Variants in CDKL5 observed in about 807,000 individuals in gnomAD.
CDKL5 encodes the protein cyclin dependent kinase like 5.
A neutral mutation model predicts 61.7 loss-of-function variants in CDKL5; 8 were observed. The ratio of observed to expected loss-of-function variants is 0.13; its 90% CI spans 0.08 to 0.23. CDKL5 has a LOEUF of 0.23. CDKL5 is among the 10% of genes least tolerant of loss of function. The probability of loss-of-function intolerance (pLI) is 1.00; values close to 1 mark genes in which losing one functional copy is unlikely to be tolerated. For synonymous variants in CDKL5, 275 were observed against 272.3 expected (o/e 1.01, Z -0.10); for missense variants, 440 against 734.5 (o/e 0.60, Z 4.63).
intron 1 of CDKL5, among the ~76,000 whole-genome samples, chrX:18,438,810 GAC>G (rs1284091233): frequency 1.0e-5 from 1 of 99,781 alleles, no homozygotes; most frequent in Non-Finnish European, 2.0e-5. Context: ...AAAAAAAAAA[GAC>G]AAGGATCTAA....
chrX:18,500,680 G>A (rs922970093), intron 1 of CDKL5, among the ~76,000 whole-genome samples: 15 of 110,570 alleles, frequency 1.4e-4, no homozygotes, highest in Admixed American at 3.9e-4. Context: ...GAACTAAAAC[G>A]TTTTAGTTTT....
chrX:18,434,864 G>A (rs1046411707), intron 1 of CDKL5, among the ~76,000 whole-genome samples: 4 of 111,984 alleles, frequency 3.6e-5, no homozygotes, highest in African/African-American at 1.3e-4. Context: ...GGAGGCAGGG[G>A]TTGCAGTGAG....
chrX:18,484,404 G>A (rs1162866152), intron 1 of CDKL5, among the ~76,000 whole-genome samples: 2 of 109,962 alleles, frequency 1.8e-5, no homozygotes, highest in East Asian at 2.9e-4. Context: ...TGTAACCTCT[G>A]CCTCCTGGGT....
downstream of CDKL5, chrX:18,642,170 G>C: frequency 8.3e-7 from 1 of 1,208,934 alleles, no homozygotes; most frequent in African/African-American, 1.7e-5. Context: ...GAGAGATAGA[G>C]GAAATCCTGT....
At chrX:18,573,229 T>TAA (rs1427317364) in intron 4 of CDKL5, among the ~76,000 whole-genome samples, 4 of 111,836 alleles carry the variant, frequency 3.6e-5, no homozygotes, top group African/African-American at 1.3e-4. Flanking sequence ...ATCAGTAGAC[T>TAA]TGTCTCTTGT....
chrX:18,628,936 G>A lies in CDKL5; in HGVS notation c.*179G>A, dbSNP rs1248539323. The A allele has an allele frequency of 1.9e-6, 2 of 1,049,939 alleles. No individual in the cohort carries two copies. Among genetic ancestry groups the A allele is most frequent in the African/African-American group, 3.8e-5 (2 of 52,485 alleles). The allele number at this position is 1,049,939 out of a possible 1,213,427, so 86.5% of individuals were successfully genotyped here. ...GAGCTCCTCGCGGCCACAAATGCTA[G>A]TCAGGGATCTTAGAGCCACAGGAGT... is the stretch of plus-strand genomic sequence containing the variant. On this transcript the variant is annotated 3_prime_UTR_variant, in exon 18 of 18. Coordinates refer to ENST00000623535, the MANE Select transcript of CDKL5 (RefSeq NM_001323289.2).
chrX:18,564,357 T>C, intron 3 of CDKL5, 120 bp from the exon 4 acceptor site: 1 of 384,114 alleles, frequency 2.6e-6, no homozygotes. Context: ...AGGAAGATGA[T>C]ATATTTTTAA....
downstream of CDKL5, chrX:18,644,394 G>A: frequency 8.5e-7 from 1 of 1,181,599 alleles, no homozygotes; most frequent in Non-Finnish European, 1.2e-6. Context: ...CCCAGAGGGT[G>A]CGAGCTGAAG....
intron 1 of CDKL5, among the ~76,000 whole-genome samples, chrX:18,503,722 A>G (rs949140517): frequency 8.9e-6 from 1 of 112,034 alleles, no homozygotes; most frequent in Non-Finnish European, 1.9e-5. Context: ...TAAGCCAGCT[A>G]TAACCCACAA....
At position 18,452,319 on chromosome X, in the gene CDKL5, T is replaced by C. The variant is rs1236085390; in HGVS notation, c.-163+26624T>C. Among the ~76,000 whole-genome samples the C allele has an allele frequency of 8.0e-5, 9 of 112,272 alleles. No homozygotes were observed. In the East Asian group the frequency reaches 2.5e-3, roughly 31 times the overall value. On this transcript the variant is annotated intron_variant, in intron 1 of 17. Transcript: ENST00000623535. ...GTGAAATATGGTCTTTTAGTAAAAA[T>C]GGTAAGACCCCTGTATAGGATTTGA...
intron 2 of CDKL5, among the ~76,000 whole-genome samples, chrX:18,509,197 GCACACACACACACACACACACACACA>G (rs60516677): frequency 1.6e-5 from 1 of 64,314 alleles, no homozygotes; most frequent in African/African-American, 5.9e-5. Flanking sequence ...CTCAAAACAC[GCACACACACACACACACACACACACA>G]CACACACACA....
intron 17 of CDKL5, chrX:18,627,783 CA>C (rs764474838): frequency 1.7e-4 from 6 of 34,709 alleles, no homozygotes; most frequent in South Asian, 1.2e-3. Context: ...CTCCCCCTTT[CA>C]AAAAAAAAGC....
chrX:18,508,715 T>G (rs934852817), intron 2 of CDKL5, among the ~76,000 whole-genome samples: 1 of 110,078 alleles, frequency 9.1e-6, no homozygotes, highest in Non-Finnish European at 1.9e-5. Context: ...ATATGTTACT[T>G]TGTTATCAGA....
intron 4 of CDKL5, among the ~76,000 whole-genome samples, 161 bp downstream of exon 4, chrX:18,564,683 T>C (rs1703049924): frequency 9.0e-6 from 1 of 110,752 alleles, no homozygotes. Context: ...ATATAGCTTA[T>C]TTCTTATGCT....
intron 1 of CDKL5, among the ~76,000 whole-genome samples, chrX:18,439,321 A>G (rs2147623082): frequency 9.1e-6 from 1 of 110,161 alleles, no homozygotes; most frequent in South Asian, 4.0e-4. Flanking sequence ...CAACTACCAG[A>G]GTGACATATC....
At chrX:18,497,976 G>T (rs1321049134) in intron 1 of CDKL5, among the ~76,000 whole-genome samples, 3 of 103,244 alleles carry the variant, frequency 2.9e-5, no homozygotes, top group Non-Finnish European at 5.9e-5. Context: ...CGCCACCAAC[G>T]CCCAGCTAAT....
At chrX:18,550,514 C>A (rs1924349031) in intron 3 of CDKL5, among the ~76,000 whole-genome samples, 1 of 112,429 alleles carries the variant, frequency 8.9e-6, no homozygotes, top group Non-Finnish European at 1.9e-5. Flanking sequence ...AATTTAAAAG[C>A]TACATTTTCT....
chrX:18,569,350 CGTTCTGCTCATTGTAATA>C (rs2147135445), intron 4 of CDKL5, among the ~76,000 whole-genome samples: 1 of 111,536 alleles, frequency 9.0e-6, no homozygotes, highest in African/African-American at 3.3e-5. Flanking sequence ...CCATTGTATT[CGTTCTGCTCATTGTAATA>C]GTTCTGCTCA....
intron 20 of CDKL5, among the ~76,000 whole-genome samples, chrX:18,648,793 C>T (rs1389472867): frequency 1.8e-5 from 2 of 111,068 alleles, no homozygotes; most frequent in Non-Finnish European, 3.8e-5. Flanking sequence ...TGGGTAAGGC[C>T]GAGAGAACTG....
Sources: allele counts gnomAD v4.1 joint callset (sites outside exome capture counted in the v4.1 genomes callset), GRCh38; gene constraint gnomAD v4.1.1; transcripts MANE v1.5; gene names NCBI Gene and HGNC (gene_info 2026-07-23, HGNC 2026-07-21).